The following TSPAN10 variants were observed in gnomAD, a reference collection of about 807,000 sequenced individuals.
TSPAN10 encodes the protein tetraspanin 10.
TSPAN10 carries 11 observed loss-of-function variants against 15.0 expected under a neutral mutation model. The observed-to-expected ratio is 0.73, with a 90% CI of 0.46 to 1.21. The LOEUF is 1.21. Among genes scored for constraint, TSPAN10 ranks in the 50% most tolerant of loss-of-function variants. The pLI, the probability that TSPAN10 is intolerant of heterozygous loss-of-function variation, is 0.00. For missense variants in TSPAN10, 486 were observed against 470.6 expected, an observed-to-expected ratio of 1.03 and a Z score of -0.30; for synonymous variants, 241 against 226.2, an observed-to-expected ratio of 1.07 and a Z score of -0.59.
upstream of TSPAN10, chr17:81,642,322 C>A: frequency 6.7e-7 from 1 of 1,499,764 alleles, no homozygotes; most frequent in Non-Finnish European, 9.3e-7. Context: ...CCCAGGGCCG[C>A]AGTCAGGACC....
chr17:81,646,031 T>G, intron 2 of TSPAN10: 13 of 307,040 alleles, frequency 4.2e-5, no homozygotes, highest in East Asian at 1.2e-4. Flanking sequence ...GGTGACTCTG[T>G]TCCCCCCGCC....
exon 3 of TSPAN10, chr17:81,648,218 C>T (rs1405688392): frequency 1.5e-6 from 2 of 1,293,338 alleles, no homozygotes; most frequent in Non-Finnish European, 1.9e-6. Flanking sequence ...GGCCCCGGAG[C>T]GCGCGGGGAG....
chr17:81,647,845 G>T, intron 2 of TSPAN10, 56 bp from the exon 4 acceptor site: 2 of 1,551,068 alleles, frequency 1.3e-6, no homozygotes, highest in Non-Finnish European at 8.7e-7. Context: ...CTCTGTGCCT[G>T]GTCCCAGAAG....
chr17:81,645,631 T>G lies in TSPAN10; in HGVS notation c.674+2T>G, dbSNP rs1304392480. On this transcript the variant is annotated splice_donor_variant, in intron 2 of 2. Coordinates refer to ENST00000611590, the Ensembl canonical transcript of TSPAN10. LOFTEE classifies it high-confidence loss of function. Reference sequence around the variant, plus strand: ...CTACCAGGACTGGCAGCAGAACCTGTGAGTCTTGGAGTGGGCGAGGGACAG... The same window carrying G: ...CTACCAGGACTGGCAGCAGAACCTGGGAGTCTTGGAGTGGGCGAGGGACAG... The G allele has an allele frequency of 6.2e-7, 1 of 1,611,652 alleles. No homozygotes were observed. The highest frequency in any genetic ancestry group is 1.3e-5 in the African/African-American group (1 of 74,904).
chr17:81,639,948 C>T (rs2036163429), upstream of TSPAN10, among the ~76,000 whole-genome samples: 1 of 151,762 alleles, frequency 6.6e-6, no homozygotes, highest in South Asian at 2.1e-4. Flanking sequence ...CCACTGCGCT[C>T]CAGCCTGGGC....
downstream of TSPAN10, chr17:81,648,473 C>G (rs1251311368): frequency 5.1e-6 from 3 of 591,322 alleles, no homozygotes; most frequent in African/African-American, 3.9e-5. Flanking sequence ...CATGCCAGCC[C>G]CCAACGCAGG....
At chr17:81,640,365 C>G (rs1377354196), upstream of TSPAN10, among the ~76,000 whole-genome samples, 2 of 152,146 alleles carry the variant, frequency 1.3e-5, no homozygotes, top group African/African-American at 4.8e-5. Context: ...TTCTTCTGTG[C>G]ACACATTCCT....
intron 2 of TSPAN10, 148 bp downstream of exon 3, chr17:81,645,777 A>T (rs1229012307): frequency 9.6e-7 from 1 of 1,042,626 alleles, no homozygotes; most frequent in Non-Finnish European, 1.4e-6. Context: ...GTACACGCAT[A>T]TCCACACTGG....
chr17:81,640,524 C>T (rs1199345184), upstream of TSPAN10, among the ~76,000 whole-genome samples: 1 of 152,148 alleles, frequency 6.6e-6, no homozygotes, highest in African/African-American at 2.4e-5. Flanking sequence ...TCTCGGCTCA[C>T]TGCAACCTCT....
chr17:81,645,241 G>T, exon 2 of TSPAN10: 1 of 1,536,540 alleles, frequency 6.5e-7, no homozygotes. Context: ...GCTGGCCCTG[G>T]CCATCGGGCT....
chr17:81,643,284 C>T (rs2036199307), intron 1 of TSPAN10, among the ~76,000 whole-genome samples: 1 of 149,208 alleles, frequency 6.7e-6, no homozygotes, highest in Admixed American at 6.6e-5. Context: ...AGGCATGAGC[C>T]ACCGTGCCCG....
rs1237734490 is a variant in TSPAN10 at position 81,637,407 on chromosome 17, G to C, written c.8+1G>C. 3 of 700,114 alleles carry C rather than the reference G, an allele frequency of 4.3e-6. No homozygotes were observed. Among genetic ancestry groups the C allele is most frequent in the Admixed American group, 2.0e-5 (1 of 49,732 alleles). 43.4% of individuals were successfully genotyped at this position (700,114 alleles called of 1,614,324 possible). ...ATTCCAAACTTCTCTCCATGCACAG[G>C]TAAGTAGAGAAACAATTTCAGGAAG... On this transcript the variant is annotated splice_donor_variant, in intron 1 of 3. Coordinates refer to the TSPAN10 transcript ENST00000574882. LOFTEE classifies it high-confidence loss of function.
At chr17:81,637,563 C>A (rs181252902), upstream of TSPAN10, 220 of 552,088 alleles carry the variant, frequency 4.0e-4, 1 homozygote, top group Middle Eastern at 0.011. Flanking sequence ...TTTTGGGAAG[C>A]CAAGGTGGAC....
chr17:81,647,043 G>T (rs73371233), intron 2 of TSPAN10, among the ~76,000 whole-genome samples: 6,466 of 152,122 alleles, frequency 0.043, 249 homozygotes, highest in East Asian at 0.21. Context: ...AGCCTTCTTG[G>T]TGCATGTATC....
At chr17:81,643,190 G>C (rs1056782940) in intron 1 of TSPAN10, among the ~76,000 whole-genome samples, 3 of 150,354 alleles carry the variant, frequency 2.0e-5, no homozygotes, top group African/African-American at 7.3e-5. Flanking sequence ...AGTCGAGACA[G>C]GGTTTTACCA....
upstream of TSPAN10, chr17:81,642,232 C>G (rs541868248): frequency 2.5e-5 from 15 of 589,056 alleles, no homozygotes; most frequent in South Asian, 2.9e-4. Context: ...CTTCACATGA[C>G]TCAACTGTGA....
At chr17:81,640,518 G>A (rs184547510), upstream of TSPAN10, among the ~76,000 whole-genome samples, 382 of 152,108 alleles carry the variant, frequency 2.5e-3, 3 homozygotes, top group African/African-American at 8.8e-3. Flanking sequence ...GCACCATCTC[G>A]GCTCACTGCA....
intron 2 of TSPAN10, 130 bp downstream of exon 3, chr17:81,645,759 A>C: frequency 8.4e-7 from 1 of 1,193,826 alleles, no homozygotes; most frequent in Non-Finnish European, 1.2e-6. Flanking sequence ...GCACACGTAT[A>C]CCCACATGTA....
chr17:81,639,326 G>C (rs1020603249), upstream of TSPAN10: 1 of 147,738 alleles, frequency 6.8e-6, no homozygotes, highest in Non-Finnish European at 1.5e-5. Context: ...TCCTGCCTCA[G>C]CCTCCTGAGT....
Sources: allele counts gnomAD v4.1 joint callset (sites outside exome capture counted in the v4.1 genomes callset), GRCh38; gene constraint gnomAD v4.1.1; transcripts MANE v1.5; gene names NCBI Gene and HGNC (gene_info 2026-07-23, HGNC 2026-07-21).